Variants in LMTK2 observed in about 807,000 individuals in gnomAD.
The protein encoded by LMTK2 is serine/threonine-protein kinase LMTK2.
Under a neutral mutation model 127.5 loss-of-function variants are expected in LMTK2, and 37 were observed. That is an observed-to-expected ratio of 0.29 (90% CI 0.22 to 0.38). The LOEUF (loss-of-function observed/expected upper bound fraction) is 0.38, where lower values mean the gene tolerates loss of function less well. Ranked by LOEUF, LMTK2 falls within the 10% of genes least tolerant of loss-of-function variation. LMTK2 has a pLI of 1.00. For synonymous variants in LMTK2, 819 were observed against 810.1 expected (o/e 1.01, Z -0.19); for missense variants, 1,694 against 1,920.3 (o/e 0.88, Z 2.20).
At chr7:98,122,147 A>G (rs942405676) in intron 1 of LMTK2, among the ~76,000 whole-genome samples, 4 of 152,250 alleles carry the variant, frequency 2.6e-5, no homozygotes, top group Non-Finnish European at 5.9e-5. Context: ...GTAAACATGA[A>G]AGATACTTTA....
rs146052887 is a variant in LMTK2 at position 98,191,244 on chromosome 7, G to A, written c.1148+367G>A. Among the ~76,000 whole-genome samples, 291 of 152,222 alleles carry A rather than the reference G, an allele frequency of 1.9e-3. 2 individuals are homozygous for A. The highest frequency in any genetic ancestry group is 6.7e-3 in the African/African-American group (278 of 41,550). ...ATTACAAGTGTGAGCCAGGGTGCCT[G>A]GCCTCTTTTGATATTTTTAACTGAT... is the stretch of plus-strand genomic sequence containing the variant. On this transcript the variant is annotated intron_variant, in intron 10 of 13. Coordinates refer to ENST00000297293, the MANE Select transcript of LMTK2 (RefSeq NM_014916.4).
Position 98,203,979 on chromosome 7 carries a change from G to T in LMTK2, c.4276G>T (p.Asp1426Tyr). The change falls in exon 13 of 14, where the codon GAT becomes TAT. Residue 1426 changes from aspartate (D) to tyrosine (Y), a missense_variant. Physicochemically the swap from Asp to Tyr is radical, Grantham distance 160. Coordinates refer to ENST00000297293, the MANE Select transcript of LMTK2 (RefSeq NM_014916.4). ...TGAGTGGGATGATGACTTCTCCCCA[G>T]ATCCTTTTATGTCAAAGACAACAAG... ...GFEWDDDFSP[D>Y]PFMSKTTSNL... The T allele has an allele frequency of 3.7e-6, 6 of 1,614,124 alleles. No individual in the cohort carries two copies. Among genetic ancestry groups the T allele is most frequent in the Non-Finnish European group, 5.1e-6 (6 of 1,180,002 alleles).
rs552611286 is a variant in LMTK2 at position 98,152,526 on chromosome 7, T to C, written c.450+1071T>C. Among the ~76,000 whole-genome samples the C allele has an allele frequency of 3.3e-5, 5 of 152,328 alleles. No homozygotes were observed. The East Asian group carries it at 7.7e-4, about 24-fold the overall frequency. On this transcript the variant is annotated intron_variant, in intron 4 of 13. Coordinates refer to ENST00000297293, the MANE Select transcript of LMTK2 (RefSeq NM_014916.4). ...GCTAGGGGCACGATGTGGAGGAAGA[T>C]GGGTCAAACCTTGACCTGTGTGGAG...
At position 98,194,249 on chromosome 7, in the gene LMTK2, G is replaced by C; in HGVS notation, c.3784G>C (p.Glu1262Gln). 1 of 1,614,156 alleles carries C rather than the reference G, an allele frequency of 6.2e-7. No individual in the cohort carries two copies. Among genetic ancestry groups the C allele is most frequent in the South Asian group, 1.1e-5 (1 of 91,080 alleles). ...EGPKLKEPDI[E>Q]GKYLGKLGVS... ...CCCGAAGTTGAAGGAGCCGGACATC[G>C]AAGGGAAGTACCTGGGGAAACTCGG... The change falls in exon 11 of 14, where the codon GAA (glutamate) becomes CAA (glutamine). Residue 1262 changes from glutamate to glutamine, a missense_variant. By Grantham distance (29) the Glu-to-Gln change is conservative (BLOSUM62 2). Transcript: ENST00000297293. This position sits in a 1 kb window ranked among gnomAD's most constrained non-coding sequence, Gnocchi z 5.4.
chr7:98,145,759 C>G (rs1468641820), intron 3 of LMTK2, among the ~76,000 whole-genome samples: 1 of 152,154 alleles, frequency 6.6e-6, no homozygotes, highest in African/African-American at 2.4e-5. Flanking sequence ...TCTATATGTT[C>G]TCTTTCACTC....
chr7:98,141,646 T>G, intron 3 of LMTK2, 105 bp downstream of exon 3: 1 of 1,090,314 alleles, frequency 9.2e-7, no homozygotes, highest in Non-Finnish European at 1.4e-6. Context: ...CCTCTTTGGT[T>G]TATTTCTCTT....
intron 1 of LMTK2, among the ~76,000 whole-genome samples, chr7:98,120,706 T>G (rs957340363): frequency 6.6e-6 from 1 of 152,168 alleles, no homozygotes; most frequent in Non-Finnish European, 1.5e-5. Flanking sequence ...AAGGGTTCCC[T>G]ATCTAGGCAG....
intron 6 of LMTK2, among the ~76,000 whole-genome samples, chr7:98,160,356 G>A (rs1273119628): frequency 1.3e-5 from 2 of 152,162 alleles, no homozygotes; most frequent in African/African-American, 4.8e-5. Context: ...TCTCTCATTG[G>A]CAGAGGTGGT....
At chr7:98,199,753 C>T (rs573404454) in intron 11 of LMTK2, among the ~76,000 whole-genome samples, 34 of 152,328 alleles carry the variant, frequency 2.2e-4, no homozygotes, top group Admixed American at 3.9e-4. Flanking sequence ...CCTCGGTCTT[C>T]GAAAGTGTTG....
At chr7:98,125,185 C>T (rs1796426377) in intron 1 of LMTK2, among the ~76,000 whole-genome samples, 1 of 152,084 alleles carries the variant, frequency 6.6e-6, no homozygotes, top group Admixed American at 6.5e-5. Flanking sequence ...CGCCTGTAGT[C>T]CCAGCTACTC....
chr7:98,127,689 C>T (rs1052277194), intron 1 of LMTK2, among the ~76,000 whole-genome samples: 5 of 152,164 alleles, frequency 3.3e-5, no homozygotes, highest in African/African-American at 1.2e-4. Flanking sequence ...GTTAAAATAA[C>T]TAAAGGAGTG....
intron 11 of LMTK2, among the ~76,000 whole-genome samples, chr7:98,196,122 G>A (rs1797618893): frequency 6.6e-6 from 1 of 151,846 alleles, no homozygotes; most frequent in South Asian, 2.1e-4. Flanking sequence ...CTGGGAGGCA[G>A]AGGTTGCAGT....
intron 7 of LMTK2, among the ~76,000 whole-genome samples, chr7:98,179,749 C>T (rs1797327272): frequency 6.6e-6 from 1 of 152,036 alleles, no homozygotes. Flanking sequence ...CAAGGTTTTT[C>T]CCAGGCAGTT....
At chr7:98,119,477 C>T (rs1222213395) in intron 1 of LMTK2, among the ~76,000 whole-genome samples, 1 of 152,184 alleles carries the variant, frequency 6.6e-6, no homozygotes, top group East Asian at 1.9e-4. Context: ...CACTCCGGGG[C>T]AGAACACAGC....
intron 5 of LMTK2, among the ~76,000 whole-genome samples, chr7:98,155,838 A>G (rs1796918869): frequency 6.6e-6 from 1 of 152,224 alleles, no homozygotes; most frequent in South Asian, 2.1e-4. Flanking sequence ...AGAAAAGAAC[A>G]AAAATATGGC....
At position 98,207,673 on chromosome 7, in the gene LMTK2, G is replaced by A. The variant is rs1797828545; in HGVS notation, c.*2181G>A. 6.6e-6 allele frequency: 1 copy of A among 152,066 alleles called. No homozygotes were observed. Among genetic ancestry groups the A allele is most frequent in the African/African-American group, 2.4e-5 (1 of 41,396 alleles). 9.4% of individuals were successfully genotyped at this position (152,066 alleles called of 1,614,324 possible). On this transcript the variant is annotated 3_prime_UTR_variant, in exon 14 of 14. Coordinates refer to ENST00000297293, the MANE Select transcript of LMTK2 (RefSeq NM_014916.4). ...TGATTATACTACTTTTTCAATTGCA[G>A]GTTTAAGGAGTTCAGATTTAATGAC... is the stretch of plus-strand genomic sequence containing the variant.
intron 7 of LMTK2, among the ~76,000 whole-genome samples, chr7:98,174,252 A>C (rs1797243187): frequency 6.6e-6 from 1 of 152,196 alleles, no homozygotes; most frequent in South Asian, 2.1e-4. Context: ...TGGTTGACTT[A>C]AAGTAGGACT....
intron 8 of LMTK2, among the ~76,000 whole-genome samples, chr7:98,185,999 T>TA (rs895878282): frequency 3.3e-5 from 5 of 152,312 alleles, no homozygotes; most frequent in Admixed American, 1.3e-4. Flanking sequence ...ATAGTAGCTC[T>TA]AGTGTCTCGA....
chr7:98,126,247 C>G (rs1045542125), intron 1 of LMTK2, among the ~76,000 whole-genome samples: 2 of 152,108 alleles, frequency 1.3e-5, no homozygotes, highest in Non-Finnish European at 2.9e-5. Flanking sequence ...CTAGTACTGC[C>G]ATTGACTCGC....
Sources: allele counts gnomAD v4.1 joint callset (sites outside exome capture counted in the v4.1 genomes callset), GRCh38; gene constraint gnomAD v4.1.1; non-coding constraint Gnocchi (gnomAD v3.1); transcripts MANE v1.5; gene names NCBI Gene and HGNC (gene_info 2026-07-23, HGNC 2026-07-21).